The following DENND1A variants were observed in gnomAD, a reference collection of about 807,000 sequenced individuals.
DENND1A encodes the protein DENN domain containing 1A, also known as DENN domain-containing protein 1A.
Under a neutral mutation model 113.7 loss-of-function variants are expected in DENND1A, and 51 were observed. The observed-to-expected ratio is 0.45, with a 90% CI of 0.36 to 0.57. The LOEUF (loss-of-function observed/expected upper bound fraction) is 0.57, where lower values mean the gene tolerates loss of function less well. Ranked by LOEUF, DENND1A falls within the 20% of genes least tolerant of loss-of-function variation. DENND1A has a pLI of 0.00. For synonymous variants in DENND1A, 565 were observed against 570.8 expected (o/e 0.99, Z 0.14); for missense variants, 1,258 against 1,395.9 (o/e 0.90, Z 1.57).
chr9:123,440,833 T>C (rs935571367), intron 18 of DENND1A, among the ~76,000 whole-genome samples: 10 of 152,350 alleles, frequency 6.6e-5, no homozygotes, highest in Admixed American at 5.9e-4. Flanking sequence ...CAATCACAGC[T>C]CATGCATAAT....
rs3860156 is a variant in DENND1A at position 123,636,939 on chromosome 9, G to A, written c.619-6463C>T. On this transcript the variant is annotated intron_variant, in intron 9 of 23. Coordinates refer to ENST00000394215, the MANE Select transcript of DENND1A (RefSeq NM_001352964.2). Reference sequence around the variant, plus strand: ...TCGAACTCCTGACCTCATGTGATCCGCCCGCCTCCAAAAGTGCCTGGATTA... The same window carrying A: ...TCGAACTCCTGACCTCATGTGATCCACCCGCCTCCAAAAGTGCCTGGATTA... Among the ~76,000 whole-genome samples, 223 of 152,214 alleles carry A rather than the reference G, an allele frequency of 1.5e-3. 1 individual carries two copies. The highest frequency in any genetic ancestry group is 5.1e-3 in the African/African-American group (211 of 41,532).
intron 9 of DENND1A, among the ~76,000 whole-genome samples, chr9:123,649,747 C>T (rs756601351): frequency 1.3e-4 from 20 of 152,146 alleles, no homozygotes; most frequent in Non-Finnish European, 2.6e-4. Context: ...ATTCCTGCTG[C>T]ATCTGTTTTT....
chr9:123,777,890 C>G (rs1203936933), intron 3 of DENND1A, among the ~76,000 whole-genome samples: 5 of 152,168 alleles, frequency 3.3e-5, no homozygotes, highest in Admixed American at 6.5e-5. Flanking sequence ...AAACAGTCAT[C>G]TGTTTAGTGT....
chr9:123,875,218 T>C (rs1193961137), intron 2 of DENND1A, among the ~76,000 whole-genome samples: 2 of 151,966 alleles, frequency 1.3e-5, no homozygotes, highest in East Asian at 3.8e-4. Flanking sequence ...AGCAAAACTA[T>C]GAAGAAAAAC....
chr9:123,890,957 A>AT (rs202229504), intron 1 of DENND1A, among the ~76,000 whole-genome samples: 122 of 151,520 alleles, frequency 8.1e-4, no homozygotes, highest in African/African-American at 2.8e-3. Context: ...TATTCCACTA[A>AT]TTTTTTTTTA....
intron 5 of DENND1A, among the ~76,000 whole-genome samples, chr9:123,714,586 G>T (rs1189199792): frequency 1.3e-5 from 2 of 151,756 alleles, no homozygotes; most frequent in Non-Finnish European, 2.9e-5. Flanking sequence ...TAGGGGACAG[G>T]GTGAGACTTC....
chr9:123,676,893 G>T, intron 5 of DENND1A, 104 bp from the exon 6 acceptor site: 1 of 1,054,284 alleles, frequency 9.5e-7, no homozygotes, highest in Non-Finnish European at 1.5e-6. Flanking sequence ...TCTACATCCT[G>T]AAGAGTCTTC....
chr9:123,623,683 T>C (rs2138328675), intron 10 of DENND1A, among the ~76,000 whole-genome samples: 1 of 152,380 alleles, frequency 6.6e-6, no homozygotes, highest in Non-Finnish European at 1.5e-5. Context: ...GTCGTATTTG[T>C]GAATGCGCAA....
chr9:123,469,750 T>C (rs547255513), intron 13 of DENND1A, among the ~76,000 whole-genome samples: 64 of 152,196 alleles, frequency 4.2e-4, no homozygotes, highest in Non-Finnish European at 8.2e-4. Flanking sequence ...CTGGGTGGTT[T>C]TACATGCATT....
intron 5 of DENND1A, among the ~76,000 whole-genome samples, chr9:123,715,883 C>T (rs565350367): frequency 6.6e-6 from 1 of 152,064 alleles, no homozygotes; most frequent in East Asian, 1.9e-4. Context: ...GCCATGTTGC[C>T]CAGGGTGGTC....
At chr9:123,860,569 C>T (rs1012617593) in intron 2 of DENND1A, among the ~76,000 whole-genome samples, 1 of 152,166 alleles carries the variant, frequency 6.6e-6, no homozygotes, top group South Asian at 2.1e-4. Context: ...AAAAGTAAGA[C>T]TTACCACTCT....
intron 2 of DENND1A, among the ~76,000 whole-genome samples, chr9:123,814,545 T>G (rs1837151169): frequency 6.6e-6 from 1 of 152,146 alleles, no homozygotes; most frequent in African/African-American, 2.4e-5. Flanking sequence ...TAAATTCAAT[T>G]AGACACAGTA....
At chr9:123,678,230 G>T (rs1051081985) in intron 5 of DENND1A, among the ~76,000 whole-genome samples, 2 of 151,970 alleles carry the variant, frequency 1.3e-5, no homozygotes, top group Non-Finnish European at 2.9e-5. Flanking sequence ...TTGTCTTTCC[G>T]GTGCCAAGAA....
At chr9:123,803,041 C>T (rs1834965404) in intron 2 of DENND1A, among the ~76,000 whole-genome samples, 1 of 152,194 alleles carries the variant, frequency 6.6e-6, no homozygotes. Context: ...CTACATGATT[C>T]TCCTTACATA....
At chr9:123,558,461 A>C (rs1357425511) in intron 12 of DENND1A, among the ~76,000 whole-genome samples, 1 of 152,210 alleles carries the variant, frequency 6.6e-6, no homozygotes, top group African/African-American at 2.4e-5. Context: ...ATGGGCAAAG[A>C]AGCACGTAAT....
At chr9:123,609,749 C>CT (rs2060328146) in intron 10 of DENND1A, among the ~76,000 whole-genome samples, 1 of 152,184 alleles carries the variant, frequency 6.6e-6, no homozygotes, top group South Asian at 2.1e-4. Context: ...GGCTCTGCAA[C>CT]TGCACAGCCT....
chr9:123,439,759 G>C (rs749531275), intron 19 of DENND1A: 3 of 152,154 alleles, frequency 2.0e-5, no homozygotes, highest in Non-Finnish European at 4.4e-5. Flanking sequence ...TTACAAGTAG[G>C]AAGGGGATAC....
chr9:123,814,580 A>G (rs779235948), intron 2 of DENND1A, among the ~76,000 whole-genome samples: 16 of 152,214 alleles, frequency 1.1e-4, no homozygotes, highest in Non-Finnish European at 1.8e-4. Context: ...AAGCCATACA[A>G]TAATAATACA....
At chr9:123,456,614 C>T (rs1318071595) in intron 15 of DENND1A, among the ~76,000 whole-genome samples, 1 of 152,160 alleles carries the variant, frequency 6.6e-6, no homozygotes. Context: ...AGTTTGAGAC[C>T]AGCCTGACCA....
Sources: allele counts gnomAD v4.1 joint callset (sites outside exome capture counted in the v4.1 genomes callset), GRCh38; gene constraint gnomAD v4.1.1; transcripts MANE v1.5; gene names NCBI Gene and HGNC (gene_info 2026-07-23, HGNC 2026-07-21).